Variants in CEP112 observed in about 807,000 individuals in gnomAD.
CEP112 encodes the protein centrosomal protein of 112 kDa.
In CEP112, 127 loss-of-function variants were observed where a neutral mutation model predicts 153.0. The ratio of observed to expected loss-of-function variants is 0.83; its 90% CI spans 0.72 to 0.96. CEP112 has a LOEUF of 0.96. Among genes scored for constraint, CEP112 ranks in the 40% least tolerant of loss-of-function variants. CEP112 has a pLI of 0.00. For missense variants in CEP112, 1,089 were observed against 1,101.2 expected (o/e 0.99, Z 0.16); for synonymous variants, 358 against 374.4 (o/e 0.96, Z 0.51).
At chr17:65,655,093 G>A in intron 24 of CEP112, 1 of 703,234 alleles carries the variant, frequency 1.4e-6, no homozygotes, top group Non-Finnish European at 2.7e-6. Context: ...CCAATAATGT[G>A]TTTAAAGTTG....
Position 66,065,896 on chromosome 17 carries a change from T to C in CEP112, c.955+882A>G, listed in dbSNP as rs2146040652. The stretch of plus-strand genomic sequence containing the variant: ...CACCTGCCTCGGCCTCCCAAAGTGC[T>C]GGGATTACAGGCGTAAGCCACCGCG... On this transcript the variant is annotated intron_variant, in intron 10 of 26. Coordinates refer to ENST00000535342, the MANE Select transcript of CEP112 (RefSeq NM_001199165.4). Among the ~76,000 whole-genome samples the C allele has an allele frequency of 2.0e-5, 3 of 152,320 alleles. No individual in the cohort carries two copies. The Middle Eastern group carries it at 0.01, about 518-fold the overall frequency.
intron 21 of CEP112, among the ~76,000 whole-genome samples, chr17:65,811,801 A>G (rs2055975060): frequency 6.6e-6 from 1 of 152,214 alleles, no homozygotes; most frequent in Admixed American, 6.5e-5. Flanking sequence ...TCTTAATTTT[A>G]TAAATCTCCT....
At chr17:65,941,383 A>T (rs540839138) in intron 18 of CEP112, 11 of 152,296 alleles carry the variant, frequency 7.2e-5, no homozygotes, top group East Asian at 1.9e-4. Context: ...AAAAGATTTT[A>T]AAAAATTCAA....
At chr17:65,734,049 CTG>C (rs2050662835) in intron 23 of CEP112, among the ~76,000 whole-genome samples, 1 of 152,244 alleles carries the variant, frequency 6.6e-6, no homozygotes, top group South Asian at 2.1e-4. Context: ...TCTGAGTAGA[CTG>C]TGCTGTCCCA....
intron 1 of CEP112, among the ~76,000 whole-genome samples, chr17:66,188,605 T>A (rs543233470): frequency 2.0e-5 from 3 of 150,042 alleles, no homozygotes; most frequent in South Asian, 4.3e-4. Flanking sequence ...TTTTTACACA[T>A]CTGTGTATTA....
At chr17:65,877,636 G>T (rs1287764848) in intron 20 of CEP112, among the ~76,000 whole-genome samples, 1 of 152,060 alleles carries the variant, frequency 6.6e-6, no homozygotes, top group Non-Finnish European at 1.5e-5. Context: ...TCTTAATAAG[G>T]TTCTTTGTAA....
chr17:65,976,739 T>TTC (rs1555743416), intron 17 of CEP112, among the ~76,000 whole-genome samples: 27 of 42,470 alleles, frequency 6.4e-4, no homozygotes, highest in East Asian at 3.7e-3. Flanking sequence ...CTTTTTCTTT[T>TTC]TTTTTTTTTT....
At chr17:66,085,837 C>G (rs2067903765) in intron 8 of CEP112, among the ~76,000 whole-genome samples, 1 of 152,010 alleles carries the variant, frequency 6.6e-6, no homozygotes, top group Non-Finnish European at 1.5e-5. Flanking sequence ...AATAGCCGGG[C>G]ATGGTGGCGC....
intron 24 of CEP112, chr17:65,688,234 T>C (rs1310415234): frequency 1.3e-5 from 2 of 152,242 alleles, no homozygotes; most frequent in Non-Finnish European, 1.5e-5. Flanking sequence ...GAAAATGTGA[T>C]TTATGCCTCT....
At chr17:65,886,141 T>C (rs917266051) in intron 20 of CEP112, among the ~76,000 whole-genome samples, 2 of 152,126 alleles carry the variant, frequency 1.3e-5, no homozygotes, top group Non-Finnish European at 2.9e-5. Flanking sequence ...CGCAGCTGGG[T>C]GGCTGAAAAC....
chr17:65,865,195 C>A (rs2058443935), intron 20 of CEP112, among the ~76,000 whole-genome samples: 1 of 151,932 alleles, frequency 6.6e-6, no homozygotes, highest in Non-Finnish European at 1.5e-5. Flanking sequence ...GTGCATGCCA[C>A]CACGACTGTC....
At chr17:65,662,244 T>C (rs2046425273) in intron 24 of CEP112, among the ~76,000 whole-genome samples, 1 of 152,178 alleles carries the variant, frequency 6.6e-6, no homozygotes, top group Non-Finnish European at 1.5e-5. Flanking sequence ...ACAATTTCTG[T>C]TAGAAACACT....
intron 21 of CEP112, among the ~76,000 whole-genome samples, chr17:65,797,509 T>C (rs1598613408): frequency 6.6e-6 from 1 of 152,252 alleles, no homozygotes; most frequent in African/African-American, 2.4e-5. Context: ...CATGTTTGTT[T>C]ATCCTATCTG....
intron 17 of CEP112, among the ~76,000 whole-genome samples, chr17:65,969,513 A>G (rs1379606939): frequency 1.3e-5 from 2 of 152,300 alleles, no homozygotes; most frequent in East Asian, 3.9e-4. Flanking sequence ...TATTTGCATT[A>G]CTTGCATGTA....
chr17:66,052,200 T>C (rs563307875), intron 12 of CEP112, among the ~76,000 whole-genome samples: 147 of 152,318 alleles, frequency 9.7e-4, no homozygotes, highest in Non-Finnish European at 1.7e-3. Flanking sequence ...TAAGTACCCA[T>C]GCAACCATTT....
chr17:66,073,698 T>C (rs776280539), intron 8 of CEP112, among the ~76,000 whole-genome samples: 3 of 152,216 alleles, frequency 2.0e-5, no homozygotes, highest in Non-Finnish European at 4.4e-5. Flanking sequence ...GAAAGATAGT[T>C]TGTAAGACAG....
chr17:65,750,011 T>G (rs1056458414), intron 22 of CEP112, among the ~76,000 whole-genome samples: 1 of 152,084 alleles, frequency 6.6e-6, no homozygotes, highest in Non-Finnish European at 1.5e-5. Context: ...ATACTTGGAG[T>G]TCCTTAAATG....
chr17:65,931,020 G>A (rs2061103776), intron 18 of CEP112, among the ~76,000 whole-genome samples: 1 of 152,156 alleles, frequency 6.6e-6, no homozygotes, highest in Non-Finnish European at 1.5e-5. Flanking sequence ...TCTATAAAAT[G>A]GAAATGTTTC....
chr17:65,832,441 A>G (rs2057123546), intron 21 of CEP112, among the ~76,000 whole-genome samples: 1 of 151,890 alleles, frequency 6.6e-6, no homozygotes, highest in Non-Finnish European at 1.5e-5. Flanking sequence ...AACTAAAAAG[A>G]CAGATAGGCC....
Sources: allele counts gnomAD v4.1 joint callset (sites outside exome capture counted in the v4.1 genomes callset), GRCh38; gene constraint gnomAD v4.1.1; transcripts MANE v1.5; gene names NCBI Gene and HGNC (gene_info 2026-07-23, HGNC 2026-07-21).